Variants in GADL1 observed in about 807,000 individuals in gnomAD.
The protein encoded by GADL1 is acidic amino acid decarboxylase GADL1.
GADL1 carries 71 observed loss-of-function variants against 69.5 expected under a neutral mutation model. The ratio of observed to expected loss-of-function variants is 1.02; its 90% CI spans 0.84 to 1.25. The LOEUF (loss-of-function observed/expected upper bound fraction) is 1.25, where lower values mean the gene tolerates loss of function less well. Among genes scored for constraint, GADL1 ranks in the 50% most tolerant of loss-of-function variants. The pLI, the probability that GADL1 is intolerant of heterozygous loss-of-function variation, is 0.00. For synonymous variants in GADL1, 254 were observed against 214.4 expected, an observed-to-expected ratio of 1.18 and a Z score of -1.62; for missense variants, 737 against 631.8, an observed-to-expected ratio of 1.17 and a Z score of -1.79.
At chr3:30,783,240 C>T (rs192088496) in intron 13 of GADL1, among the ~76,000 whole-genome samples, 1 of 152,212 alleles carries the variant, frequency 6.6e-6, no homozygotes, top group African/African-American at 2.4e-5. Context: ...AATTAGGACT[C>T]TCCCAAGAGA....
chr3:30,731,364 C>T (rs1278856801), intron 14 of GADL1, among the ~76,000 whole-genome samples: 1 of 152,096 alleles, frequency 6.6e-6, no homozygotes, highest in Non-Finnish European at 1.5e-5. Flanking sequence ...CATTTTTTCT[C>T]CCAAAATGGT....
At chr3:30,783,655 A>G (rs1029888182) in intron 13 of GADL1, among the ~76,000 whole-genome samples, 3 of 151,292 alleles carry the variant, frequency 2.0e-5, no homozygotes, top group Non-Finnish European at 3.0e-5. Flanking sequence ...TAAAAAGAAA[A>G]GCGGCAAATG....
chr3:30,875,873 T>C (rs1431089083), intron 1 of GADL1, among the ~76,000 whole-genome samples: 1 of 151,834 alleles, frequency 6.6e-6, no homozygotes, highest in East Asian at 2.0e-4. Flanking sequence ...CCTAGAGATA[T>C]CATTCACACA....
chr3:30,788,696 C>G (rs991435110), intron 12 of GADL1, among the ~76,000 whole-genome samples: 14 of 152,214 alleles, frequency 9.2e-5, no homozygotes, highest in African/African-American at 3.1e-4. Context: ...CTTGCTGCTG[C>G]TTTGCCAACT....
intron 1 of GADL1, among the ~76,000 whole-genome samples, chr3:30,867,609 C>T (rs1698423105): frequency 6.6e-6 from 1 of 151,740 alleles, no homozygotes; most frequent in Non-Finnish European, 1.5e-5. Flanking sequence ...GTTGAATTGC[C>T]TTGCCCAAGG....
rs1300954942 is a variant in GADL1, at chr3:30,841,849, A to C, written c.786+2361T>G. On this transcript the variant is annotated intron_variant, in intron 8 of 14. Coordinates refer to ENST00000282538, the MANE Select transcript of GADL1 (RefSeq NM_207359.3). ...AGGATGTCTCCTGATGGCAGGAGCC[A>C]ATGAAGCCTCCCTGGTTTTAAAAAA... Among the ~76,000 whole-genome samples, 7 of 152,206 alleles carry C rather than the reference A, an allele frequency of 4.6e-5. No individual in the cohort carries two copies. The East Asian group carries it at 9.6e-4, about 21-fold the overall frequency.
chr3:30,859,517 G>C (rs1353680039), intron 2 of GADL1, among the ~76,000 whole-genome samples: 1 of 151,742 alleles, frequency 6.6e-6, no homozygotes, highest in Non-Finnish European at 1.5e-5. Flanking sequence ...GGAAAGGGGA[G>C]GATTGATTAG....
chr3:30,878,144 G>A (rs1246144070), intron 1 of GADL1, among the ~76,000 whole-genome samples: 2 of 151,924 alleles, frequency 1.3e-5, no homozygotes, highest in African/African-American at 4.8e-5. Context: ...GTGGCTGCAA[G>A]TACTTTAACC....
intron 14 of GADL1, among the ~76,000 whole-genome samples, chr3:30,753,230 GTGAA>G (rs909200373): frequency 2.0e-5 from 3 of 152,088 alleles, no homozygotes; most frequent in Non-Finnish European, 4.4e-5. Flanking sequence ...TTCAGATTGT[GTGAA>G]TGGAGATAGT....
intron 11 of GADL1, among the ~76,000 whole-genome samples, chr3:30,809,444 A>G (rs933078321): frequency 6.6e-6 from 1 of 152,214 alleles, no homozygotes; most frequent in Admixed American, 6.5e-5. Context: ...AGGCAGACAC[A>G]TTGTGCTCCA....
At chr3:30,762,912 G>T (rs1275273996) in intron 14 of GADL1, among the ~76,000 whole-genome samples, 1 of 152,064 alleles carries the variant, frequency 6.6e-6, no homozygotes, top group Non-Finnish European at 1.5e-5. Context: ...CAAATGACTG[G>T]ATCTCATTCT....
chr3:30,769,386 G>GCA (rs142076789), intron 14 of GADL1, among the ~76,000 whole-genome samples: 13 of 151,608 alleles, frequency 8.6e-5, no homozygotes, highest in East Asian at 3.9e-4. Context: ...ATGCACACAC[G>GCA]CACACACACA....
chr3:30,778,988 GT>G (rs1696598142), intron 13 of GADL1: 1 of 151,426 alleles, frequency 6.6e-6, no homozygotes, highest in Non-Finnish European at 1.5e-5. Flanking sequence ...GAAGCGGGCA[GT>G]TTATGTTCTA....
At chr3:30,883,756 C>T (rs1388717908) in intron 1 of GADL1, among the ~76,000 whole-genome samples, 1 of 151,880 alleles carries the variant, frequency 6.6e-6, no homozygotes, top group Non-Finnish European at 1.5e-5. Flanking sequence ...CTTAATAATA[C>T]AATTTTCTAA....
intron 12 of GADL1, 60 bp from the exon 13 acceptor site, chr3:30,786,466 A>T: frequency 1.1e-6 from 1 of 869,892 alleles, no homozygotes; most frequent in South Asian, 1.4e-5. Flanking sequence ...CATGAACATG[A>T]CTGATATGAC....
intron 1 of GADL1, among the ~76,000 whole-genome samples, chr3:30,866,567 GTA>G (rs1187841220): frequency 2.0e-5 from 3 of 152,034 alleles, no homozygotes; most frequent in African/African-American, 7.2e-5. Context: ...AATGACCAGG[GTA>G]ATAAACTCTA....
chr3:30,736,387 C>G (rs540930527), intron 14 of GADL1, among the ~76,000 whole-genome samples: 185 of 152,212 alleles, frequency 1.2e-3, no homozygotes, highest in African/African-American at 4.3e-3. Context: ...GCCGATAATC[C>G]TTTGCAGGGT....
At chr3:30,778,913 A>G (rs1575200931) in intron 13 of GADL1, 1 of 152,216 alleles carries the variant, frequency 6.6e-6, no homozygotes, top group Non-Finnish European at 1.5e-5. Context: ...AAAATGTCCA[A>G]TGTCTAAGTC....
chr3:30,887,447 C>T (rs1698724303), intron 1 of GADL1, among the ~76,000 whole-genome samples: 1 of 152,036 alleles, frequency 6.6e-6, no homozygotes, highest in African/African-American at 2.4e-5. Flanking sequence ...GAAAAGAGAC[C>T]TAAGTTTGTG....
Sources: allele counts gnomAD v4.1 joint callset (sites outside exome capture counted in the v4.1 genomes callset), GRCh38; gene constraint gnomAD v4.1.1; transcripts MANE v1.5; gene names NCBI Gene and HGNC (gene_info 2026-07-23, HGNC 2026-07-21).